Variants in SGCD observed in about 807,000 individuals in gnomAD.
The protein encoded by SGCD is delta-sarcoglycan.
In SGCD, 18 loss-of-function variants were observed where a neutral mutation model predicts 36.6. The ratio of observed to expected loss-of-function variants is 0.49; its 90% CI spans 0.34 to 0.73. The LOEUF (loss-of-function observed/expected upper bound fraction) is 0.73. SGCD is among the 30% of genes least tolerant of loss of function. SGCD has a pLI of 0.01. For synonymous variants in SGCD, 133 were observed against 130.6 expected (o/e 1.02, Z -0.12); for missense variants, 387 against 346.7 (o/e 1.12, Z -0.92).
chr5:156,205,248 G>T (rs1295929862), intron 3 of SGCD, among the ~76,000 whole-genome samples: 2 of 152,012 alleles, frequency 1.3e-5, no homozygotes, highest in Non-Finnish European at 2.9e-5. Context: ...GCATTAAATT[G>T]CTTTTATGGG....
the SGCD span, among the ~76,000 whole-genome samples, chr5:155,780,311 T>C: frequency 6.6e-6 from 1 of 152,176 alleles, no homozygotes; most frequent in African/African-American, 2.4e-5. Context: ...TCTGAGTAAA[T>C]TGTATGTGCT....
At chr5:156,072,892 C>T (rs1225856540) in intron 1 of SGCD, among the ~76,000 whole-genome samples, 2 of 152,170 alleles carry the variant, frequency 1.3e-5, no homozygotes, top group South Asian at 2.1e-4. Flanking sequence ...CATCTTCCAT[C>T]ACTGACACCC....
chr5:156,176,339 A>C (rs1209624679), intron 3 of SGCD, among the ~76,000 whole-genome samples: 1 of 152,204 alleles, frequency 6.6e-6, no homozygotes, highest in Non-Finnish European at 1.5e-5. Flanking sequence ...GGCTTCGTTC[A>C]AATAGCAACG....
chr5:155,869,441 A>G (rs527805284), upstream of SGCD, among the ~76,000 whole-genome samples: 3 of 152,134 alleles, frequency 2.0e-5, no homozygotes, highest in Non-Finnish European at 4.4e-5. Context: ...AATGATTTTC[A>G]TCTTTTTCAG....
chr5:156,158,581 T>C (rs1763016898), intron 3 of SGCD, among the ~76,000 whole-genome samples: 1 of 151,458 alleles, frequency 6.6e-6, no homozygotes. Flanking sequence ...ATGTTCCACA[T>C]TGGCCACACC....
intron 3 of SGCD, among the ~76,000 whole-genome samples, chr5:156,253,317 C>G (rs1765631194): frequency 6.6e-6 from 1 of 152,182 alleles, no homozygotes; most frequent in Non-Finnish European, 1.5e-5. Context: ...TGTGAGACCT[C>G]TGCTCAGCTT....
At chr5:155,949,595 G>A (rs1024575836) in intron 1 of SGCD, among the ~76,000 whole-genome samples, 16 of 152,232 alleles carry the variant, frequency 1.1e-4, no homozygotes, top group Middle Eastern at 3.4e-3. Flanking sequence ...GATTTTACAC[G>A]TCTAAATAAT....
chr5:156,750,291 C>T (rs554361305), intron 7 of SGCD, among the ~76,000 whole-genome samples: 2 of 152,186 alleles, frequency 1.3e-5, no homozygotes, highest in Non-Finnish European at 2.9e-5. Flanking sequence ...AAAATTTCCT[C>T]TTTAAGGTGA....
chr5:156,174,140 C>A (rs1196046939), intron 3 of SGCD, among the ~76,000 whole-genome samples: 1 of 151,976 alleles, frequency 6.6e-6, no homozygotes, highest in Non-Finnish European at 1.5e-5. Flanking sequence ...AGTGAACAGG[C>A]AGAAAATGAA....
chr5:156,340,140 AAC>A (rs1031837789), intron 2 of SGCD, among the ~76,000 whole-genome samples: 4 of 152,374 alleles, frequency 2.6e-5, no homozygotes, highest in African/African-American at 9.6e-5. Context: ...TACAAAATAA[AAC>A]ACATATGGAA....
chr5:155,904,135 T>A (rs549538389), intron 1 of SGCD, among the ~76,000 whole-genome samples: 1 of 152,292 alleles, frequency 6.6e-6, no homozygotes, highest in South Asian at 2.1e-4. Flanking sequence ...TTTTGTTGTT[T>A]CCCATGACTT....
chr5:155,961,330 TC>T (rs1462046457), intron 1 of SGCD, among the ~76,000 whole-genome samples: 1 of 152,126 alleles, frequency 6.6e-6, no homozygotes, highest in Non-Finnish European at 1.5e-5. Context: ...TTTAAATTAG[TC>T]TTTAAAAATA....
At chr5:156,343,049 G>A (rs570780768) in intron 2 of SGCD, among the ~76,000 whole-genome samples, 4 of 152,174 alleles carry the variant, frequency 2.6e-5, no homozygotes, top group East Asian at 1.9e-4. Flanking sequence ...GATGCCTAAC[G>A]GCCATGAGTT....
intron 6 of SGCD, among the ~76,000 whole-genome samples, chr5:156,596,688 A>G (rs1422653353): frequency 6.6e-6 from 1 of 151,938 alleles, no homozygotes. Context: ...GTACACATAC[A>G]TGTCTAATTT....
At chr5:156,199,894 G>A (rs540889902) in intron 3 of SGCD, among the ~76,000 whole-genome samples, 1 of 152,074 alleles carries the variant, frequency 6.6e-6, no homozygotes, top group African/African-American at 2.4e-5. Flanking sequence ...TCCACTCTTA[G>A]GGCCTCATGG....
intron 3 of SGCD, among the ~76,000 whole-genome samples, chr5:156,193,362 C>T (rs957702480): frequency 1.3e-5 from 2 of 152,168 alleles, no homozygotes; most frequent in African/African-American, 2.4e-5. Context: ...TTAAACTAGA[C>T]TTCATTCTTT....
rs570560017 is a variant in SGCD, at chr5:156,583,400, A to G, written c.295-5831A>G. ...CACTCTGCCTCCTTTCTCATTCCCA[A>G]GCCCCATCAGTTACCAACCCCTGCC... is the stretch of plus-strand genomic sequence containing the variant. On this transcript the variant is annotated intron_variant, in intron 4 of 8. Coordinates refer to ENST00000337851, the MANE Select transcript of SGCD (RefSeq NM_000337.6). Among the ~76,000 whole-genome samples the G allele has an allele frequency of 3.3e-5, 5 of 152,218 alleles. No homozygotes were observed. In the East Asian group the frequency reaches 9.6e-4, roughly 29 times the overall value.
At chr5:156,187,042 C>T (rs1268616994) in intron 3 of SGCD, among the ~76,000 whole-genome samples, 1 of 151,984 alleles carries the variant, frequency 6.6e-6, no homozygotes, top group Non-Finnish European at 1.5e-5. Context: ...CATAGAAGGG[C>T]ATCGTCAGTA....
At position 155,988,874 on chromosome 5, in the gene SGCD, G is replaced by A. The variant is rs567697801; in HGVS notation, c.-282+118450G>A. Among the ~76,000 whole-genome samples the A allele has an allele frequency of 5.3e-5, 8 of 152,250 alleles. No homozygotes were observed. The South Asian group carries it at 1.7e-3, about 32-fold the overall frequency. ...GAAACATTCAGTAAGTTTAGCTGTTGCTTTTATTATAACTATTATAGTTTT... is the reference window on the plus strand; with the variant it reads ...GAAACATTCAGTAAGTTTAGCTGTTACTTTTATTATAACTATTATAGTTTT... On this transcript the variant is annotated intron_variant, in intron 1 of 9. Transcript: ENST00000517913.
Sources: allele counts gnomAD v4.1 joint callset (sites outside exome capture counted in the v4.1 genomes callset), GRCh38; gene constraint gnomAD v4.1.1; transcripts MANE v1.5; gene names NCBI Gene and HGNC (gene_info 2026-07-23, HGNC 2026-07-21).